The following CD3E variants were observed in gnomAD, a reference collection of about 807,000 sequenced individuals.
The protein encoded by CD3E is CD3 epsilon subunit of T-cell receptor complex.
Under a neutral mutation model 34.7 loss-of-function variants are expected in CD3E, and 16 were observed. The ratio of observed to expected loss-of-function variants is 0.46; its 90% CI spans 0.31 to 0.70. The LOEUF is 0.70. Ranked by LOEUF, CD3E falls within the 30% of genes least tolerant of loss-of-function variation. CD3E has a pLI of 0.05. For synonymous variants in CD3E, 70 were observed against 90.8 expected (o/e 0.77, Z 1.30); for missense variants, 223 against 253.9 (o/e 0.88, Z 0.83).
intron 2 of CD3E, among the ~76,000 whole-genome samples, chr11:118,307,064 A>G (rs1948111181): frequency 6.6e-6 from 1 of 152,064 alleles, no homozygotes; most frequent in Non-Finnish European, 1.5e-5. Flanking sequence ...TTAATGCTAG[A>G]TGCTTCCTTC....
At chr11:118,313,659 GT>G (rs748743171) in intron 6 of CD3E, 47 bp from the exon 7 acceptor site, 2 of 1,594,706 alleles carry the variant, frequency 1.3e-6, no homozygotes, top group East Asian at 4.5e-5. Context: ...AGCGCCTTGT[GT>G]TTTCCTTGCT....
chr11:118,315,465 C>T (rs1332957646), intron 8 of CD3E, 21 bp from the exon 9 acceptor site: 1 of 1,610,272 alleles, frequency 6.2e-7, no homozygotes, highest in Non-Finnish European at 8.5e-7. Flanking sequence ...ACTGACCGCC[C>T]CCTCTCTATT....
rs530683848 is a variant in CD3E, at chr11:118,313,878, A to G, written c.520+4A>G. 6.2e-7 allele frequency: 1 copy of G among 1,612,602 alleles called. No homozygotes were observed. Among genetic ancestry groups the G allele is most frequent in the Non-Finnish European group, 8.5e-7 (1 of 1,179,894 alleles). On this transcript the variant is annotated splice_donor_region_variant and intron_variant, in intron 7 of 8. Transcript: ENST00000361763. Reference sequence around the variant, plus strand: ...GGTGCTGGCGGCAGGCAAAGGGGTAAGGCTGTGGAGTCCAGTCAGAGGAGA... The same window carrying G: ...GGTGCTGGCGGCAGGCAAAGGGGTAGGGCTGTGGAGTCCAGTCAGAGGAGA...
rs201840561 is a variant in CD3E at position 118,313,844 on chromosome 11, C to T, written c.490C>T (p.Arg164Ter). Residue 164 changes from arginine to a stop codon, truncating the protein, a stop_gained, in exon 7 of 9, where the codon CGA (arginine) becomes TGA (stop). Coordinates refer to ENST00000361763, the MANE Select transcript of CD3E (RefSeq NM_000733.4). LOFTEE classifies it high-confidence loss of function. ...AAAGGCCAAGGCCAAGCCTGTGACA[C>T]GAGGAGCGGGTGCTGGCGGCAGGCA... is the stretch of plus-strand genomic sequence containing the variant. ...NRKAKAKPVTRGAGAGGRQRG... is the reference protein window; with the variant it reads ...NRKAKAKPVT The T allele has an allele frequency of 1.2e-5, 19 of 1,613,780 alleles. No homozygotes were observed. Among genetic ancestry groups the T allele is most frequent in the Middle Eastern group, 1.7e-4 (1 of 5,788 alleles).
chr11:118,314,586 A>T (rs1948155324), intron 8 of CD3E, 92 bp downstream of exon 8: 3 of 1,190,438 alleles, frequency 2.5e-6, no homozygotes, highest in Admixed American at 1.9e-5. Context: ...TGTCTGCCAG[A>T]TGCCTCAAAG....
At position 118,314,502 on chromosome 11, in the gene CD3E, G is replaced by A. The variant is rs922052819; in HGVS notation, c.567+8G>A. ...CCCAACCCAGACTATGAGGTAACGT[G>A]GGATAGAAATGGGCCAGGACGCTGG... On this transcript the variant is annotated splice_region_variant and intron_variant, in intron 8 of 8. Transcript: ENST00000361763. 3.1e-6 allele frequency: 5 copies of A among 1,613,530 alleles called. No individual in the cohort carries two copies. Among genetic ancestry groups the A allele is most frequent in the Non-Finnish European group, 4.2e-6 (5 of 1,179,604 alleles).
At chr11:118,306,870 C>A (rs1480326936) in intron 2 of CD3E, among the ~76,000 whole-genome samples, 3 of 152,188 alleles carry the variant, frequency 2.0e-5, no homozygotes, top group Non-Finnish European at 4.4e-5. Flanking sequence ...ACCAGAAAAG[C>A]AGAGCCAGAG....
chr11:118,308,759 A>C lies in CD3E; in HGVS notation c.85+318A>C, dbSNP rs759959099. 8.7e-4 allele frequency among the ~76,000 whole-genome samples: 133 copies of C among 152,240 alleles called. 1 individual carries two copies. Among genetic ancestry groups the C allele is most frequent in the Non-Finnish European group, 8.7e-4 (59 of 68,042 alleles). ...TTACCTAGCCCAGTGTCTGGCACAT[A>C]GTAGGTGCTCAATGAATATTTTTTG... is the stretch of plus-strand genomic sequence containing the variant. On this transcript the variant is annotated intron_variant, in intron 4 of 8. Coordinates refer to ENST00000361763, the MANE Select transcript of CD3E (RefSeq NM_000733.4).
rs755381648 is a variant in CD3E at position 118,312,418 on chromosome 11, C to A, written c.104-200C>A. The A allele has an allele frequency of 5.7e-5, 41 of 719,082 alleles. No individual in the cohort carries two copies. The South Asian group carries it at 6.0e-4, about 11-fold the overall frequency. The allele number at this position is 719,082 out of a possible 1,614,324, so 44.5% of individuals were successfully genotyped here. ...CCACCTCTCAAAAGGTTCTCTAGTT[C>A]CCTTCAAGGTTCTCTAGTTCCCTTC... is the stretch of plus-strand genomic sequence containing the variant. On this transcript the variant is annotated intron_variant, in intron 5 of 8. Coordinates refer to ENST00000361763, the MANE Select transcript of CD3E (RefSeq NM_000733.4).
Position 118,304,781 on chromosome 11 carries a change from G to C in CD3E, c.-60+5G>C. 1 of 730,480 alleles carries C rather than the reference G, an allele frequency of 1.4e-6. No homozygotes were observed. The highest frequency in any genetic ancestry group is 2.5e-6 in the Non-Finnish European group (1 of 398,606). The allele number at this position is 730,480 out of a possible 1,614,324, so 45.2% of individuals were successfully genotyped here. On this transcript the variant is annotated splice_donor_5th_base_variant and intron_variant, in intron 1 of 8. Coordinates refer to ENST00000361763, the MANE Select transcript of CD3E (RefSeq NM_000733.4). ...AGGTGCCTGCTTCAGAAAATGGTGA[G>C]TCTCTCTCTTATAAAGCCCTCCTTT... is the stretch of plus-strand genomic sequence containing the variant.
chr11:118,315,345 A>C, intron 8 of CD3E, 141 bp from the exon 9 acceptor site: 1 of 707,204 alleles, frequency 1.4e-6, no homozygotes, highest in Non-Finnish European at 2.5e-6. Context: ...CCTACCGTCC[A>C]TGCCAAATTA....
intron 4 of CD3E, 76 bp from the exon 5 acceptor site, chr11:118,312,077 A>G: frequency 7.7e-7 from 1 of 1,290,816 alleles, no homozygotes; most frequent in South Asian, 1.2e-5. Context: ...GTCTAATTCC[A>G]CTAGAAAAGT....
chr11:118,312,055 C>A, intron 4 of CD3E, 98 bp from the exon 5 acceptor site: 2 of 1,021,192 alleles, frequency 2.0e-6, no homozygotes, highest in South Asian at 1.3e-5. Context: ...TTTGGGAAGT[C>A]TTGTGGGCAG....
chr11:118,314,339 G>A, intron 7 of CD3E, 109 bp from the exon 8 acceptor site: 2 of 868,282 alleles, frequency 2.3e-6, no homozygotes, highest in Non-Finnish European at 1.9e-6. Flanking sequence ...AGCGGTAGAG[G>A]AGAGAACAAT....
At chr11:118,306,940 C>G (rs368885371) in intron 2 of CD3E, among the ~76,000 whole-genome samples, 2 of 152,194 alleles carry the variant, frequency 1.3e-5, no homozygotes, top group Non-Finnish European at 2.9e-5. Context: ...TCCACAGACA[C>G]CAATGTTCAA....
rs73612239 is a variant in CD3E, at chr11:118,310,724, G to A, written c.86-1429G>A. Reference sequence around the variant, plus strand: ...CATTTTTTTCAAACAAACACACCCAGCAGAGTATAATGTCTATGTACTTTA... The same window carrying A: ...CATTTTTTTCAAACAAACACACCCAACAGAGTATAATGTCTATGTACTTTA... On this transcript the variant is annotated intron_variant, in intron 4 of 8. Transcript: ENST00000361763. 2.4e-3 allele frequency among the ~76,000 whole-genome samples: 363 copies of A among 152,202 alleles called. 1 individual carries two copies. Among genetic ancestry groups the A allele is most frequent in the African/African-American group, 8.5e-3 (354 of 41,514 alleles).
At chr11:118,314,520 G>C in intron 8 of CD3E, 26 bp downstream of exon 8, 1 of 1,608,578 alleles carries the variant, frequency 6.2e-7, no homozygotes, top group Non-Finnish European at 8.5e-7. Context: ...AATGGGCCAG[G>C]ACGCTGGAGG....
In CD3E at chr11:118,315,711, C is replaced by A; in HGVS notation, c.*169C>A. On this transcript the variant is annotated 3_prime_UTR_variant, in exon 9 of 9. Coordinates refer to ENST00000361763, the MANE Select transcript of CD3E (RefSeq NM_000733.4). ...CCCCGCTCCCTCCTCCCTGCCTTCTCTGCTGGTACCCAGTCCTAAAATATT... is the reference window on the plus strand; with the variant it reads ...CCCCGCTCCCTCCTCCCTGCCTTCTATGCTGGTACCCAGTCCTAAAATATT... The A allele has an allele frequency of 1.5e-6, 1 of 675,212 alleles. No homozygotes were observed. The highest frequency in any genetic ancestry group is 2.7e-6 in the Non-Finnish European group (1 of 372,010). 41.8% of individuals were successfully genotyped at this position (675,212 alleles called of 1,614,324 possible). A position where few individuals can be genotyped will look rare whatever the true frequency, so the allele number is the denominator to read the frequency against.
At chr11:118,308,341 G>T in intron 3 of CD3E, 86 bp from the exon 4 acceptor site, 4 of 951,074 alleles carry the variant, frequency 4.2e-6, no homozygotes, top group South Asian at 1.4e-5. Context: ...AAGAGTTGAG[G>T]GAAGAGTCCC....
Sources: allele counts gnomAD v4.1 joint callset (sites outside exome capture counted in the v4.1 genomes callset), GRCh38; gene constraint gnomAD v4.1.1; transcripts MANE v1.5; gene names NCBI Gene and HGNC (gene_info 2026-07-23, HGNC 2026-07-21).